KMT2C: variants seen among roughly 807,000 people sequenced by gnomAD.
KMT2C encodes histone-lysine N-methyltransferase 2C.
Under a neutral mutation model 507.9 loss-of-function variants are expected in KMT2C, and 88 were observed. The ratio of observed to expected loss-of-function variants is 0.17; its 90% CI spans 0.15 to 0.21. The LOEUF is 0.21. Ranked by LOEUF, KMT2C falls within the 10% of genes least tolerant of loss-of-function variation. The pLI, the probability that KMT2C is intolerant of heterozygous loss-of-function variation, is 1.00. For missense variants in KMT2C, 4,954 were observed against 5,957.8 expected, an observed-to-expected ratio of 0.83 and a Z score of 5.55; for synonymous variants, 2,049 against 2,080.8, an observed-to-expected ratio of 0.98 and a Z score of 0.42.
chr7:152,418,225 C>T (rs1382381434), intron 1 of KMT2C, among the ~76,000 whole-genome samples: 6 of 152,094 alleles, frequency 3.9e-5, no homozygotes, highest in African/African-American at 1.2e-4. Context: ...CAGGCGTGAG[C>T]CACCATGCCC....
At chr7:152,218,461 G>A (rs1447424055) in intron 23 of KMT2C, among the ~76,000 whole-genome samples, 7 of 151,960 alleles carry the variant, frequency 4.6e-5, no homozygotes, top group Admixed American at 2.0e-4. Flanking sequence ...ATGAGCCACC[G>A]AGCCCGGCCA....
chr7:152,290,286 ATATATATATTTTTTTTTTTTTTTTTT>A (rs2096401047), intron 6 of KMT2C, among the ~76,000 whole-genome samples: 1 of 33,828 alleles, frequency 3.0e-5, no homozygotes, highest in African/African-American at 1.5e-4. Context: ...ATATATATAT[ATATATATATTTTTTTTTTTTTTTTTT>A]TTTTTTTTTT....
rs118062910 is a variant in KMT2C at position 152,169,020 on chromosome 7, C to G, written c.9517+166G>C. Among the ~76,000 whole-genome samples, 181 of 152,264 alleles carry G rather than the reference C, an allele frequency of 1.2e-3. No homozygotes were observed. In the East Asian group the frequency reaches 0.026, roughly 22 times the overall value. On this transcript the variant is annotated intron_variant, in intron 41 of 58. Coordinates refer to ENST00000262189, the MANE Select transcript of KMT2C (RefSeq NM_170606.3). ...CACAGTGAAAAAAGCAATGAAAACA[C>G]ACGCCTTGAAGAAGAGTTGCCTAAT...
In KMT2C at chr7:152,177,910, T is replaced by G. The variant is rs1396040686; in HGVS notation, c.7543A>C (p.Arg2515=). 1.9e-6 allele frequency: 3 copies of G among 1,612,178 alleles called. No homozygotes were observed. Among genetic ancestry groups the G allele is most frequent in the Non-Finnish European group, 2.5e-6 (3 of 1,179,826 alleles). Residue 2515 remains arginine (R), a synonymous_variant, in exon 38 of 59, where the codon AGA becomes CGA. Coordinates refer to ENST00000262189, the MANE Select transcript of KMT2C (RefSeq NM_170606.3). ...GGCATATCTACAGATACTGATCTTC[T>G]TAGCTGTGGAGAAACTCCAGATCCC... ...IQGSGVSPQL[R]RSVSVDMPRP...
chr7:152,236,990 G>A (rs1463019693), intron 15 of KMT2C, among the ~76,000 whole-genome samples: 1 of 152,076 alleles, frequency 6.6e-6, no homozygotes, highest in Non-Finnish European at 1.5e-5. Flanking sequence ...TAAACCTATG[G>A]GAAAATGTGT....
At chr7:152,347,896 G>GA (rs1350184305) in intron 2 of KMT2C, among the ~76,000 whole-genome samples, 2 of 151,764 alleles carry the variant, frequency 1.3e-5, no homozygotes, top group African/African-American at 4.8e-5. Context: ...TATATTTACT[G>GA]AAAAAAATCC....
chr7:152,297,391 T>C (rs1339616344), intron 6 of KMT2C, among the ~76,000 whole-genome samples: 2 of 152,168 alleles, frequency 1.3e-5, no homozygotes, highest in African/African-American at 2.4e-5. Context: ...CAGAGGTCTA[T>C]AGAGATCTTC....
At chr7:152,247,005 A>G (rs1475528317) in intron 14 of KMT2C, among the ~76,000 whole-genome samples, 2 of 152,174 alleles carry the variant, frequency 1.3e-5, no homozygotes, top group Admixed American at 1.3e-4. Flanking sequence ...TAAAATCAAT[A>G]TATTATTCCT....
chr7:152,318,031 G>A (rs569203062), intron 3 of KMT2C, among the ~76,000 whole-genome samples: 3 of 152,056 alleles, frequency 2.0e-5, no homozygotes, highest in Admixed American at 1.3e-4. Context: ...CAAGCTACTC[G>A]GGAGGCTGAG....
In KMT2C at chr7:152,210,084, T is replaced by C. The variant is rs578140387; in HGVS notation, c.3713-2656A>G. Among the ~76,000 whole-genome samples the C allele has an allele frequency of 5.9e-5, 9 of 152,256 alleles. No homozygotes were observed. In the South Asian group the frequency reaches 1.9e-3, roughly 32 times the overall value. ...TAGGACCAAGAAAATATGGGCATAC[T>C]AAATGTGGACAACCCCATCCTGCTC... On this transcript the variant is annotated intron_variant, in intron 23 of 58. Coordinates refer to ENST00000262189, the MANE Select transcript of KMT2C (RefSeq NM_170606.3).
At position 152,250,964 on chromosome 7, in the gene KMT2C, A is replaced by C; in HGVS notation, c.1624T>G (p.Tyr542Asp). 6.6e-7 allele frequency: 1 copy of C among 1,513,782 alleles called. No homozygotes were observed. Among genetic ancestry groups the C allele is most frequent in the Non-Finnish European group, 9.2e-7 (1 of 1,090,690 alleles). 93.8% of individuals were successfully genotyped at this position (1,513,782 alleles called of 1,614,324 possible). ...EVEIAELTTD[Y>D]NNEMEVEGPE... ...CCTTCAACTTCCATTTCATTGTTATAATCTTAACAAAAAATTATTAATTCT... is the reference window on the plus strand; with the variant it reads ...CCTTCAACTTCCATTTCATTGTTATCATCTTAACAAAAAATTATTAATTCT... The change falls in exon 12 of 59, where the codon TAT becomes GAT. Residue 542 changes from tyrosine (Y) to aspartate (D), a missense_variant and splice_region_variant. Around this residue, in one of 29 missense-constraint regions of KMT2C, gnomAD observed 376 missense variants for 352.4 expected, o/e 1.07. Transcript: ENST00000262189.
chr7:152,270,195 T>C (rs1026029016), intron 7 of KMT2C, among the ~76,000 whole-genome samples: 3 of 152,112 alleles, frequency 2.0e-5, no homozygotes, highest in East Asian at 1.9e-4. Flanking sequence ...ATGGATGTCA[T>C]CCAAAGAGGC....
At chr7:152,388,967 C>CA (rs1456672608) in intron 1 of KMT2C, among the ~76,000 whole-genome samples, 1 of 138,518 alleles carries the variant, frequency 7.2e-6, no homozygotes, top group African/African-American at 2.6e-5. Flanking sequence ...ATACTGGTCT[C>CA]AAACTCCCAA....
intron 1 of KMT2C, among the ~76,000 whole-genome samples, chr7:152,430,950 A>G (rs1195789971): frequency 6.6e-6 from 1 of 152,182 alleles, no homozygotes; most frequent in Non-Finnish European, 1.5e-5. Context: ...TTGGACAACC[A>G]CTATCTACCC....
At chr7:152,209,961 G>A (rs1429371261) in intron 23 of KMT2C, among the ~76,000 whole-genome samples, 1 of 152,116 alleles carries the variant, frequency 6.6e-6, no homozygotes, top group African/African-American at 2.4e-5. Flanking sequence ...CCCTACATCT[G>A]CTTCCTAGGT....
chr7:152,270,021 A>G (rs1429585197), intron 7 of KMT2C, among the ~76,000 whole-genome samples: 5 of 152,244 alleles, frequency 3.3e-5, no homozygotes, highest in Non-Finnish European at 7.3e-5. Context: ...AACAGCAACA[A>G]AAGTCAAAAT....
rs1290954683 is a variant in KMT2C at position 152,263,050 on chromosome 7, A to G, written c.1265T>C (p.Met422Thr). The G allele has an allele frequency of 3.1e-6, 5 of 1,612,982 alleles. No homozygotes were observed. Among genetic ancestry groups the G allele is most frequent in the South Asian group, 1.1e-5 (1 of 90,994 alleles). The stretch of plus-strand genomic sequence containing the variant: ...CCAGCCATTGGTTGGTACTGATTTC[A>G]TAACTGGTTGAAGACAAAAAGTATG... ...GYHTFCLQPVMKSVPTNGWKC... is the reference protein window; with the variant it reads ...GYHTFCLQPVTKSVPTNGWKC... Residue 422 changes from methionine (M) to threonine (T), a missense_variant, in exon 9 of 59, where the codon ATG becomes ACG. By Grantham distance (81) the Met-to-Thr change is moderately conservative. Around this residue, in one of 29 missense-constraint regions of KMT2C, gnomAD observed 14 missense variants for 23.2 expected, o/e 0.60. Coordinates refer to ENST00000262189, the MANE Select transcript of KMT2C (RefSeq NM_170606.3).
chr7:152,291,505 CCA>C (rs60352198), intron 6 of KMT2C, among the ~76,000 whole-genome samples: 5,925 of 152,158 alleles, frequency 0.039, 2 homozygotes, highest in African/African-American at 0.14. Flanking sequence ...TCTTTCTGCT[CCA>C]CAGTTATTTT....
At chr7:152,263,838 A>C (rs1244987081) in intron 8 of KMT2C, among the ~76,000 whole-genome samples, 1 of 152,158 alleles carries the variant, frequency 6.6e-6, no homozygotes, top group African/African-American at 2.4e-5. Context: ...ATCTCTGTTG[A>C]GATTTTTGAC....
Sources: allele counts gnomAD v4.1 joint callset (sites outside exome capture counted in the v4.1 genomes callset), GRCh38; gene constraint gnomAD v4.1.1; regional missense constraint gnomAD v4.1.1; transcripts MANE v1.5; gene names NCBI Gene and HGNC (gene_info 2026-07-23, HGNC 2026-07-21).